SSBP1: variants seen among roughly 807,000 people sequenced by gnomAD.
SSBP1 encodes the protein single-stranded DNA-binding protein, mitochondrial.
Under a neutral mutation model 27.0 loss-of-function variants are expected in SSBP1, and 20 were observed. That is an observed-to-expected ratio of 0.74 (90% confidence interval 0.52 to 1.08). The LOEUF (loss-of-function observed/expected upper bound fraction) is 1.08, where lower values mean the gene tolerates loss of function less well. Among genes scored for constraint, SSBP1 ranks in the 50% least tolerant of loss-of-function variants. The pLI, the probability that SSBP1 is intolerant of heterozygous loss-of-function variation, is 0.00. For missense variants in SSBP1, 137 were observed against 182.4 expected (o/e 0.75, Z 1.44); for synonymous variants, 59 against 59.3 (o/e 1.00, Z 0.02).
chr7:141,746,099 C>T (rs546220606), intron 6 of SSBP1: 170 of 407,682 alleles, frequency 4.2e-4, no homozygotes, highest in African/African-American at 3.6e-3. Context: ...CGGCTCATTG[C>T]AACCTCTGTC....
rs1584773369 is a variant in SSBP1, at chr7:141,750,484, CTG to C, written c.*132_*133del. 1.4e-6 allele frequency: 1 copy of C among 739,920 alleles called. No individual in the cohort carries two copies. The highest frequency in any genetic ancestry group is 2.9e-5 in the East Asian group (1 of 33,942). 45.8% of individuals were successfully genotyped at this position (739,920 alleles called of 1,614,324 possible). On this transcript the variant is annotated 3_prime_UTR_variant, in exon 7 of 7. Transcript: ENST00000265304. ...AAATGAGTAATAATCTTTTTTCTGA[CTG>C]TCGTTCTCGCTCTCCTTTTTGTGGT...
chr7:141,743,197 AAATACCATAGACC>A (rs1799630350), intron 3 of SSBP1, among the ~76,000 whole-genome samples: 1 of 152,216 alleles, frequency 6.6e-6, no homozygotes, highest in Non-Finnish European at 1.5e-5. Context: ...TGCTATAAAA[AAATACCATAGACC>A]AGGTGGCTTC....
intron 2 of SSBP1, 174 bp downstream of exon 2, chr7:141,739,364 C>G: frequency 4.5e-6 from 2 of 442,510 alleles, no homozygotes; most frequent in Non-Finnish European, 7.9e-6. Flanking sequence ...ATTATGTTCA[C>G]TAAAACAAAA....
intron 6 of SSBP1, among the ~76,000 whole-genome samples, chr7:141,747,991 C>T (rs1353743545): frequency 2.4e-5 from 3 of 124,686 alleles, no homozygotes; most frequent in Admixed American, 8.6e-5. Flanking sequence ...GAGGAAGACT[C>T]TCTCAAAAAA....
intron 6 of SSBP1, among the ~76,000 whole-genome samples, chr7:141,747,809 G>T (rs1332777576): frequency 6.6e-6 from 1 of 151,168 alleles, no homozygotes; most frequent in East Asian, 2.0e-4. Context: ...GACCAGCCTG[G>T]GAACATGGTG....
chr7:141,746,014 A>G (rs770180459), intron 6 of SSBP1: 55 of 976,222 alleles, frequency 5.6e-5, no homozygotes, highest in Non-Finnish European at 6.5e-5. Context: ...TTTGAAATTA[A>G]GATTTTTTTA....
At chr7:141,741,859 C>T in intron 2 of SSBP1, 1 of 969,594 alleles carries the variant, frequency 1.0e-6, no homozygotes, top group Non-Finnish European at 1.3e-6. Flanking sequence ...TTGATTTTTC[C>T]TTTTGTGTGC....
intron 6 of SSBP1, 93 bp downstream of exon 6, chr7:141,745,677 C>T: frequency 6.5e-7 from 1 of 1,543,312 alleles, no homozygotes; most frequent in Non-Finnish European, 8.7e-7. Context: ...GTTAAGAGTA[C>T]CAGTACTTAT....
chr7:141,747,109 CTT>C (rs1243355305), intron 6 of SSBP1, among the ~76,000 whole-genome samples: 4 of 150,922 alleles, frequency 2.7e-5, no homozygotes, highest in Non-Finnish European at 5.9e-5. Context: ...TCTCAATTGA[CTT>C]ATCATTAAAG....
At chr7:141,749,855 A>G (rs1273145026) in intron 6 of SSBP1, among the ~76,000 whole-genome samples, 2 of 152,226 alleles carry the variant, frequency 1.3e-5, no homozygotes, top group African/African-American at 4.8e-5. Context: ...AAAGTTAAAA[A>G]CGTAAGTAAA....
chr7:141,740,546 C>T (rs1163125785), intron 2 of SSBP1: 1 of 152,110 alleles, frequency 6.6e-6, no homozygotes, highest in Non-Finnish European at 1.5e-5. Flanking sequence ...GTTTTCTCAG[C>T]CCTAAATGGG....
intron 6 of SSBP1, among the ~76,000 whole-genome samples, chr7:141,748,745 G>C (rs1305098932): frequency 6.6e-6 from 1 of 152,186 alleles, no homozygotes; most frequent in Admixed American, 6.5e-5. Flanking sequence ...GAGCTCTTCA[G>C]TGACATTTGA....
At chr7:141,745,315 A>G (rs1799737441) in intron 5 of SSBP1, among the ~76,000 whole-genome samples, 181 bp from the exon 6 acceptor site, 1 of 152,196 alleles carries the variant, frequency 6.6e-6, no homozygotes. Flanking sequence ...AGATGTTACC[A>G]AGTCTGTTTG....
At chr7:141,739,023 G>A (rs1799400770) in intron 1 of SSBP1, 101 bp from the exon 2 acceptor site, 2 of 590,546 alleles carry the variant, frequency 3.4e-6, no homozygotes, top group Non-Finnish European at 2.9e-6. Context: ...CAAAATTGGA[G>A]TGCATAAAAA....
intron 2 of SSBP1, chr7:141,739,432 T>G (rs1799428286): frequency 2.7e-6 from 1 of 373,506 alleles, no homozygotes; most frequent in Non-Finnish European, 4.8e-6. Flanking sequence ...AATGTGTGTG[T>G]GTTGCTTGAA....
At chr7:141,743,843 T>C in intron 4 of SSBP1, 59 bp from the exon 5 acceptor site, 2 of 1,570,714 alleles carry the variant, frequency 1.3e-6, no homozygotes, top group African/African-American at 1.4e-5. Context: ...GTGACATTGG[T>C]TTTCCTGGGC....
rs781058424 is a variant in SSBP1 at position 141,745,686 on chromosome 7, A to T, written c.403+102A>T. 1.1e-5 allele frequency: 16 copies of T among 1,510,682 alleles called. No individual in the cohort carries two copies. The South Asian group carries it at 2.0e-4, about 19-fold the overall frequency. The allele number at this position is 1,510,682 out of a possible 1,614,324, so 93.6% of individuals were successfully genotyped here. A position where few individuals can be genotyped will look rare whatever the true frequency, so the allele number is the denominator to read the frequency against. ...ACTAGGGTTAAGAGTACCAGTACTT[A>T]TGAGTTAAGGCAACTCACTAGAAGA... On this transcript the variant is annotated intron_variant, in intron 6 of 6. Transcript: ENST00000265304.
chr7:141,749,497 T>C (rs1009614990), intron 6 of SSBP1, among the ~76,000 whole-genome samples: 9 of 152,238 alleles, frequency 5.9e-5, no homozygotes, highest in Admixed American at 6.5e-5. Flanking sequence ...TTAAAATTAT[T>C]CTGGGCCAGG....
intron 6 of SSBP1, among the ~76,000 whole-genome samples, chr7:141,749,950 C>G (rs967124841): frequency 3.3e-5 from 5 of 152,128 alleles, no homozygotes; most frequent in African/African-American, 1.2e-4. Context: ...CACTTTTGTC[C>G]TTTTCTCTGA....
Sources: allele counts gnomAD v4.1 joint callset (sites outside exome capture counted in the v4.1 genomes callset), GRCh38; gene constraint gnomAD v4.1.1; transcripts MANE v1.5; gene names NCBI Gene and HGNC (gene_info 2026-07-23, HGNC 2026-07-21).